NTM: variants seen among roughly 807,000 people sequenced by gnomAD.
The protein encoded by NTM is neurotrimin.
In NTM, 13 loss-of-function variants were observed where a neutral mutation model predicts 42.1. The ratio of observed to expected loss-of-function variants is 0.31; its 90% CI spans 0.20 to 0.49. The LOEUF is 0.49. NTM is among the 20% of genes least tolerant of loss of function. The probability of loss-of-function intolerance (pLI) is 0.99; values close to 1 mark genes in which losing one functional copy is unlikely to be tolerated. For synonymous variants in NTM, 187 were observed against 179.2 expected (o/e 1.04, Z -0.35); for missense variants, 373 against 452.8 (o/e 0.82, Z 1.60).
chr11:132,236,075 T>C (rs780219975), intron 4 of NTM, among the ~76,000 whole-genome samples: 59 of 152,256 alleles, frequency 3.9e-4, no homozygotes, highest in Non-Finnish European at 7.2e-4. Context: ...AATGGCTGTT[T>C]GCAAAATAAA....
At chr11:131,617,166 C>CGTG (rs2062024679) in intron 1 of NTM, among the ~76,000 whole-genome samples, 1 of 151,976 alleles carries the variant, frequency 6.6e-6, no homozygotes, top group Non-Finnish European at 1.5e-5. Flanking sequence ...TCTCTGATGG[C>CGTG]GTGTGTGTAC....
At chr11:132,021,164 T>G (rs2074271188) in intron 2 of NTM, among the ~76,000 whole-genome samples, 1 of 152,166 alleles carries the variant, frequency 6.6e-6, no homozygotes, top group African/African-American at 2.4e-5. Context: ...TGTTGGGTCC[T>G]CCAGTGAGAT....
intron 3 of NTM, among the ~76,000 whole-genome samples, chr11:132,168,560 C>T (rs191323549): frequency 3.5e-4 from 54 of 152,322 alleles, no homozygotes; most frequent in African/African-American, 1.3e-3. Context: ...TCCTCTGGGA[C>T]TGAGACGTTT....
chr11:131,555,063 G>A (rs921875776), intron 1 of NTM, among the ~76,000 whole-genome samples: 5 of 152,130 alleles, frequency 3.3e-5, no homozygotes, highest in African/African-American at 1.2e-4. Context: ...TTGGGAGTAT[G>A]AGGTGGAACA....
rs149431966 is a variant in NTM at position 131,418,546 on chromosome 11, T to G, written c.82+47658T>G. Among the ~76,000 whole-genome samples, 48 of 152,266 alleles carry G rather than the reference T, an allele frequency of 3.2e-4. No individual in the cohort carries two copies. The East Asian group carries it at 9.3e-3, about 29-fold the overall frequency. ...GCAGGTAGAGAGGGAACAAACAGCA[T>G]GTGAATGCAGAGCAAGTGGTGGAGG... On this transcript the variant is annotated intron_variant, in intron 1 of 8. Coordinates refer to ENST00000683400, the MANE Select transcript of NTM (RefSeq NM_001352005.2).
intron 1 of NTM, among the ~76,000 whole-genome samples, chr11:131,876,869 T>TC: frequency 6.6e-6 from 1 of 152,040 alleles, no homozygotes; most frequent in East Asian, 1.9e-4. Context: ...ACTTTTTTTT[T>TC]TTTTTTTGAG....
chr11:131,411,469 G>A (rs933334739), intron 1 of NTM, among the ~76,000 whole-genome samples: 1 of 152,032 alleles, frequency 6.6e-6, no homozygotes, highest in East Asian at 2.0e-4. Context: ...TCCGGATTGA[G>A]GTGATTTTAT....
intron 2 of NTM, among the ~76,000 whole-genome samples, chr11:131,953,459 C>T (rs1299344482): frequency 6.6e-6 from 1 of 152,054 alleles, no homozygotes; most frequent in African/African-American, 2.4e-5. Context: ...CCTTGAAGAC[C>T]ACTATACCTA....
intron 4 of NTM, among the ~76,000 whole-genome samples, chr11:132,237,694 C>G (rs772602709): frequency 3.3e-5 from 5 of 152,182 alleles, no homozygotes; most frequent in Non-Finnish European, 5.9e-5. Context: ...CTCAAGCCAA[C>G]TGTCCTCCCC....
At chr11:132,024,044 T>A (rs566493625) in intron 2 of NTM, among the ~76,000 whole-genome samples, 1 of 152,146 alleles carries the variant, frequency 6.6e-6, no homozygotes, top group South Asian at 2.1e-4. Flanking sequence ...GGTCTCGATC[T>A]CCTGACCTCG....
chr11:131,440,280 G>T (rs1454909981), intron 1 of NTM, among the ~76,000 whole-genome samples: 12 of 151,690 alleles, frequency 7.9e-5, no homozygotes, highest in Admixed American at 7.9e-4. Flanking sequence ...TGAGAGGTGG[G>T]TGCTAAAAAG....
At chr11:132,186,317 C>G (rs1378816798) in intron 3 of NTM, among the ~76,000 whole-genome samples, 1 of 152,192 alleles carries the variant, frequency 6.6e-6, no homozygotes, top group Non-Finnish European at 1.5e-5. Flanking sequence ...GGAGACACAG[C>G]CACCAAGGGA....
chr11:131,460,016 A>C (rs750393372), intron 1 of NTM, among the ~76,000 whole-genome samples: 5 of 152,234 alleles, frequency 3.3e-5, no homozygotes, highest in Non-Finnish European at 5.9e-5. Flanking sequence ...AAAAATGCTT[A>C]GGAATTTTAG....
intron 2 of NTM, among the ~76,000 whole-genome samples, chr11:132,084,332 C>T (rs575269513): frequency 3.9e-5 from 6 of 152,176 alleles, no homozygotes; most frequent in South Asian, 4.1e-4. Context: ...TGATTGATAG[C>T]ATATACTCAG....
intron 1 of NTM, among the ~76,000 whole-genome samples, chr11:131,383,142 C>T (rs939144043): frequency 6.6e-6 from 1 of 152,128 alleles, no homozygotes; most frequent in African/African-American, 2.4e-5. Context: ...TTGTTATCTC[C>T]AAATGATACA....
chr11:131,786,947 T>A (rs941696521), intron 1 of NTM, among the ~76,000 whole-genome samples: 1 of 152,226 alleles, frequency 6.6e-6, no homozygotes, highest in Non-Finnish European at 1.5e-5. Context: ...ATTTTATAAG[T>A]GGAATTATAT....
intron 1 of NTM, among the ~76,000 whole-genome samples, chr11:131,851,836 G>A (rs943046338): frequency 6.6e-6 from 1 of 152,098 alleles, no homozygotes; most frequent in Non-Finnish European, 1.5e-5. Flanking sequence ...AAAATAGGAG[G>A]CAGAGAAAAT....
chr11:131,847,394 G>C (rs1042521691), intron 1 of NTM, among the ~76,000 whole-genome samples: 1 of 152,110 alleles, frequency 6.6e-6, no homozygotes, highest in Non-Finnish European at 1.5e-5. Flanking sequence ...GAGGGGAAAA[G>C]ATGGTAAAGC....
intron 2 of NTM, among the ~76,000 whole-genome samples, chr11:131,946,476 G>A (rs1165889696): frequency 6.6e-6 from 1 of 152,158 alleles, no homozygotes; most frequent in Non-Finnish European, 1.5e-5. Flanking sequence ...ATATGCAATT[G>A]TTAAGACAAA....
Sources: allele counts gnomAD v4.1 joint callset (sites outside exome capture counted in the v4.1 genomes callset), GRCh38; gene constraint gnomAD v4.1.1; transcripts MANE v1.5; gene names NCBI Gene and HGNC (gene_info 2026-07-23, HGNC 2026-07-21).